Variants in ANKH observed in about 807,000 individuals in gnomAD.
ANKH encodes ANKH inorganic pyrophosphate transport regulator.
A neutral mutation model predicts 49.0 loss-of-function variants in ANKH; 15 were observed. That is an observed-to-expected ratio of 0.31 (90% CI 0.20 to 0.47). ANKH has a LOEUF of 0.47. Ranked by LOEUF, ANKH falls within the 20% of genes least tolerant of loss-of-function variation. The pLI is 1.00. For synonymous variants in ANKH, 273 were observed against 260.0 expected, an observed-to-expected ratio of 1.05 and a Z score of -0.48; for missense variants, 429 against 652.0, an observed-to-expected ratio of 0.66 and a Z score of 3.72.
chr5:14,845,363 TATA>T (rs1332317082), intron 1 of ANKH, among the ~76,000 whole-genome samples: 3 of 30,016 alleles, frequency 1.0e-4, no homozygotes, highest in African/African-American at 1.9e-4. Flanking sequence ...TATATATATA[TATA>T]TTTTTTTTTT....
intron 1 of ANKH, among the ~76,000 whole-genome samples, chr5:14,777,873 G>A (rs140969752): frequency 3.9e-5 from 6 of 152,272 alleles, no homozygotes; most frequent in East Asian, 1.9e-4. Flanking sequence ...AGCCCACCCC[G>A]GCCACAGTAA....
chr5:14,838,848 GA>G lies in ANKH; in HGVS notation c.96+32503del, dbSNP rs763596588. On this transcript the variant is annotated intron_variant, in intron 1 of 11. Transcript: ENST00000284268. Reference sequence around the variant, plus strand: ...GTATACAAACTGCAGGTGTGCCCAGGAAAAAACCCAGCCAAGTCCCTCCCAG... The same window carrying G: ...GTATACAAACTGCAGGTGTGCCCAGGAAAAACCCAGCCAAGTCCCTCCCAG... 5.9e-5 allele frequency among the ~76,000 whole-genome samples: 9 copies of G among 152,072 alleles called. No individual in the cohort carries two copies. In the East Asian group the frequency reaches 7.7e-4, roughly 13 times the overall value.
chr5:14,871,193 A>C (rs1735809391), intron 1 of ANKH, 159 bp downstream of exon 1: 3 of 692,508 alleles, frequency 4.3e-6, no homozygotes, highest in Non-Finnish European at 5.2e-6. Context: ...GAGGGAGGGA[A>C]TGGGGTGCTG....
chr5:14,743,964 G>T (rs1738447227), intron 7 of ANKH, among the ~76,000 whole-genome samples: 2 of 152,180 alleles, frequency 1.3e-5, no homozygotes, highest in Admixed American at 1.3e-4. Context: ...CAGCCAGGAG[G>T]TTCTAACACT....
intron 4 of ANKH, 88 bp downstream of exon 4, chr5:14,755,773 C>T: frequency 8.0e-7 from 1 of 1,243,912 alleles, no homozygotes; most frequent in Non-Finnish European, 1.2e-6. Context: ...GAGTGTACTG[C>T]ACAGTGAATG....
intron 2 of ANKH, 151 bp from the exon 3 acceptor site, chr5:14,758,749 C>A: frequency 1.5e-6 from 1 of 678,946 alleles, no homozygotes; most frequent in Admixed American, 2.2e-5. Context: ...CATCTACAAT[C>A]TCATCCCTCT....
intron 8 of ANKH, among the ~76,000 whole-genome samples, chr5:14,723,596 G>A (rs565102353): frequency 2.0e-4 from 31 of 152,222 alleles, no homozygotes; most frequent in Non-Finnish European, 3.7e-4. Flanking sequence ...CCAAGATTGC[G>A]CCACTGTACT....
At chr5:14,748,082 G>T (rs950591270) in intron 6 of ANKH, among the ~76,000 whole-genome samples, 1 of 152,066 alleles carries the variant, frequency 6.6e-6, no homozygotes, top group Non-Finnish European at 1.5e-5. Flanking sequence ...TGTATAATTT[G>T]TCCTTTTTCT....
chr5:14,753,024 AC>A (rs1312152159), intron 4 of ANKH, among the ~76,000 whole-genome samples: 1 of 152,212 alleles, frequency 6.6e-6, no homozygotes, highest in African/African-American at 2.4e-5. Flanking sequence ...GAAACGATGC[AC>A]GAGAAAGCAG....
Position 14,708,434 on chromosome 5 carries a change from G to C in ANKH, c.*2763C>G, listed in dbSNP as rs1737024384. On this transcript the variant is annotated 3_prime_UTR_variant, in exon 12 of 12. Coordinates refer to ENST00000284268, the MANE Select transcript of ANKH (RefSeq NM_054027.6). ...TCTAAAATGCAGCTGTCAGCTGAAT[G>C]CCCTACAATGAAAAATAAATGTTTT... 2 of 152,196 alleles carry C rather than the reference G, an allele frequency of 1.3e-5. No individual in the cohort carries two copies. Among genetic ancestry groups the C allele is most frequent in the African/African-American group, 2.4e-5 (1 of 41,444 alleles). 9.4% of individuals were successfully genotyped at this position (152,196 alleles called of 1,614,324 possible). A position where few individuals can be genotyped will look rare whatever the true frequency, so the allele number is the denominator to read the frequency against.
chr5:14,846,837 C>T (rs1236685574), intron 1 of ANKH, among the ~76,000 whole-genome samples: 1 of 151,394 alleles, frequency 6.6e-6, no homozygotes, highest in East Asian at 1.9e-4. Flanking sequence ...ACTAAAAACA[C>T]ACACACGCAC....
Position 14,705,856 on chromosome 5 carries a change from G to A in ANKH, c.*5341C>T, listed in dbSNP as rs1456909979. The A allele has an allele frequency of 6.6e-6, 1 of 152,246 alleles. No individual in the cohort carries two copies. Among genetic ancestry groups the A allele is most frequent in the Non-Finnish European group, 1.5e-5 (1 of 68,030 alleles). The allele number at this position is 152,246 out of a possible 1,614,324, so 9.4% of individuals were successfully genotyped here. A position where few individuals can be genotyped will look rare whatever the true frequency, so the allele number is the denominator to read the frequency against. ...TCAGTAGCTGTTTCATTCAAACCGT[G>A]GGTCCCTGCATGTTCATGGCCCCAC... On this transcript the variant is annotated 3_prime_UTR_variant, in exon 12 of 12. Coordinates refer to ENST00000284268, the MANE Select transcript of ANKH (RefSeq NM_054027.6).
At chr5:14,848,119 A>AC (rs1162633528) in intron 1 of ANKH, among the ~76,000 whole-genome samples, 1 of 152,184 alleles carries the variant, frequency 6.6e-6, no homozygotes, top group South Asian at 2.1e-4. Context: ...CAGCCTGGCG[A>AC]TGGACCGAGA....
chr5:14,738,788 C>T (rs1738264149), intron 8 of ANKH, among the ~76,000 whole-genome samples: 1 of 151,656 alleles, frequency 6.6e-6, no homozygotes, highest in Non-Finnish European at 1.5e-5. Context: ...AGAAAATAGA[C>T]TAGAAAATCA....
intron 1 of ANKH, among the ~76,000 whole-genome samples, chr5:14,776,285 ATT>A: frequency 6.6e-6 from 1 of 152,170 alleles, no homozygotes; most frequent in Non-Finnish European, 1.5e-5. Context: ...CTCATGTTGG[ATT>A]TGAGATGCCC....
intron 9 of ANKH, among the ~76,000 whole-genome samples, chr5:14,715,252 C>T (rs1232376140): frequency 1.3e-5 from 2 of 152,224 alleles, no homozygotes; most frequent in Non-Finnish European, 2.9e-5. Flanking sequence ...CTGCCTTAGC[C>T]TCCTGAGTAG....
intron 1 of ANKH, among the ~76,000 whole-genome samples, chr5:14,837,654 G>A (rs997750999): frequency 6.6e-6 from 1 of 152,188 alleles, no homozygotes; most frequent in Admixed American, 6.5e-5. Context: ...GGAGAAACAG[G>A]AACACTTTTA....
intron 1 of ANKH, among the ~76,000 whole-genome samples, chr5:14,825,511 C>A (rs1401216620): frequency 1.3e-5 from 2 of 152,086 alleles, no homozygotes; most frequent in Admixed American, 1.3e-4. Flanking sequence ...ACCACCATGC[C>A]TGATTAATTT....
intron 1 of ANKH, among the ~76,000 whole-genome samples, chr5:14,833,046 C>G (rs1390009601): frequency 1.3e-5 from 2 of 152,196 alleles, no homozygotes; most frequent in Non-Finnish European, 2.9e-5. Context: ...GGGCCCCAAG[C>G]TTGGCCCCAC....
Sources: allele counts gnomAD v4.1 joint callset (sites outside exome capture counted in the v4.1 genomes callset), GRCh38; gene constraint gnomAD v4.1.1; transcripts MANE v1.5; gene names NCBI Gene and HGNC (gene_info 2026-07-23, HGNC 2026-07-21).